Variants in ZFR2 observed in about 807,000 individuals in gnomAD.
ZFR2 encodes the protein zinc finger RNA-binding protein 2.
ZFR2 carries 104 observed loss-of-function variants against 105.7 expected under a neutral mutation model. The observed-to-expected ratio is 0.98, with a 90% CI of 0.84 to 1.16. The LOEUF is 1.16. Ranked by LOEUF, ZFR2 falls within the 50% of genes most tolerant of loss-of-function variation. The pLI, the probability that ZFR2 is intolerant of heterozygous loss-of-function variation, is 0.00. For missense variants in ZFR2, 1,425 were observed against 1,355.5 expected (o/e 1.05, Z -0.80); for synonymous variants, 634 against 597.7 (o/e 1.06, Z -0.89).
intron 16 of ZFR2, among the ~76,000 whole-genome samples, chr19:3,810,302 T>C (rs999279826): frequency 6.6e-6 from 1 of 152,188 alleles, no homozygotes; most frequent in African/African-American, 2.4e-5. Context: ...GAGGGGATTC[T>C]GTTTCTTCTC....
At position 3,834,869 on chromosome 19, in the gene ZFR2, C is replaced by G; in HGVS notation, c.168G>C (p.Gly56=). The G allele has an allele frequency of 6.2e-7, 1 of 1,611,752 alleles. No individual in the cohort carries two copies. The highest frequency in any genetic ancestry group is 8.5e-7 in the Non-Finnish European group (1 of 1,179,120). ...NPAFPPAAPA[G]YGGYQPHSGQ... ...CGGAGTGGGGCTGGTATCCACCGTA[C>G]CCTGCCGGGGCAGCTGGGGGAAAGG... The change falls in exon 2 of 19, where the codon GGG becomes GGC. Residue 56 remains glycine (G), a synonymous_variant. Coordinates refer to ENST00000262961, the MANE Select transcript of ZFR2 (RefSeq NM_015174.2). The surrounding 1 kb of genome is among the most constrained non-coding windows in gnomAD (Gnocchi z 5.3).
chr19:3,860,469 G>A lies in ZFR2; in HGVS notation c.53+8496C>T, dbSNP rs762812237. 2.0e-5 allele frequency among the ~76,000 whole-genome samples: 3 copies of A among 152,206 alleles called. No homozygotes were observed. In the East Asian group the frequency reaches 5.8e-4, roughly 29 times the overall value. ...CACCATAGGGCGGCAGGTTCTTGAG[G>A]TGGGAATTGGATTCCAGAGCCTGGG... On this transcript the variant is annotated intron_variant, in intron 1 of 18. Coordinates refer to ENST00000262961, the MANE Select transcript of ZFR2 (RefSeq NM_015174.2).
chr19:3,862,097 A>G (rs938385485), intron 1 of ZFR2, among the ~76,000 whole-genome samples: 1 of 152,180 alleles, frequency 6.6e-6, no homozygotes, highest in South Asian at 2.1e-4. Context: ...CCTCAGGTGA[A>G]AAGACTGTTT....
intron 16 of ZFR2, among the ~76,000 whole-genome samples, chr19:3,809,599 G>A (rs2037739646): frequency 6.6e-6 from 1 of 152,164 alleles, no homozygotes; most frequent in African/African-American, 2.4e-5. Context: ...ACCCAGCACG[G>A]AGGCTACTGT....
Position 3,805,630 on chromosome 19 carries a change from C to T in ZFR2, c.*319G>A, listed in dbSNP as rs930306708. On this transcript the variant is annotated 3_prime_UTR_variant, in exon 19 of 19. Transcript: ENST00000262961. ...CCTCTCAAAGTGCTGGGATTACAGGCGTGAATCACCGCGCCTGGCCACCAA... is the reference window on the plus strand; with the variant it reads ...CCTCTCAAAGTGCTGGGATTACAGGTGTGAATCACCGCGCCTGGCCACCAA... 1.6e-4 allele frequency: 41 copies of T among 263,604 alleles called. No individual in the cohort carries two copies. Among genetic ancestry groups the T allele is most frequent in the African/African-American group, 8.2e-4 (37 of 44,970 alleles). 16.3% of individuals were successfully genotyped at this position (263,604 alleles called of 1,614,324 possible).
chr19:3,810,639 T>C lies in ZFR2; in HGVS notation c.2433+111A>G, dbSNP rs1468921610. ...CACGGCCTCTCCTGAGTACTAGGTC[T>C]CCCGCCGGCTCCTTCGAGGGAAAAG... is the stretch of plus-strand genomic sequence containing the variant. On this transcript the variant is annotated intron_variant, in intron 16 of 18. Transcript: ENST00000262961. 2.8e-6 allele frequency: 3 copies of C among 1,055,948 alleles called. No individual in the cohort carries two copies. In the African/African-American group the frequency reaches 4.8e-5, roughly 17 times the overall value. 65.4% of individuals were successfully genotyped at this position (1,055,948 alleles called of 1,614,324 possible).
intron 16 of ZFR2, among the ~76,000 whole-genome samples, chr19:3,809,804 C>T (rs1452251370): frequency 2.6e-5 from 4 of 152,044 alleles, no homozygotes; most frequent in East Asian, 3.9e-4. Context: ...ATTAGCCAGG[C>T]GTGGTGGTGC....
Position 3,821,444 on chromosome 19 carries a change from C to A in ZFR2, c.1527G>T (p.Glu509Asp). 2 of 1,609,206 alleles carry A rather than the reference C, an allele frequency of 1.2e-6. No homozygotes were observed. The highest frequency in any genetic ancestry group is 1.7e-6 in the Non-Finnish European group (2 of 1,176,966). Residue 509 changes from glutamate to aspartate, a missense_variant, in exon 10 of 19, where the codon GAG (glutamate) becomes GAT (aspartate). Transcript: ENST00000262961. ...KVNPDLPIAT[E>D]PSSRARKVLE... is the part of the protein sequence containing the mutation. ...GGACCTTCCGAGCCCGGCTGCTGGG[C>A]TCCGTGGCAATGGGAAGGTCCGGGT...
At position 3,804,375 on chromosome 19, in the gene ZFR2, C is replaced by T. The variant is rs1215592053; in HGVS notation, c.*1574G>A. 1 of 152,112 alleles carries T rather than the reference C, an allele frequency of 6.6e-6. No homozygotes were observed. The highest frequency in any genetic ancestry group is 1.5e-5 in the Non-Finnish European group (1 of 68,076). 9.4% of individuals were successfully genotyped at this position (152,112 alleles called of 1,614,324 possible). On this transcript the variant is annotated 3_prime_UTR_variant, in exon 19 of 19. Transcript: ENST00000262961. ...CAGGCACGGGTCCCGGGCCCTGCTA[C>T]CACAAGGGGGGATTGGGGACCCCCT... is the stretch of plus-strand genomic sequence containing the variant.
intron 16 of ZFR2, among the ~76,000 whole-genome samples, chr19:3,809,965 A>T (rs2037743755): frequency 6.6e-6 from 1 of 152,148 alleles, no homozygotes; most frequent in East Asian, 1.9e-4. Flanking sequence ...TTTTAAAAAA[A>T]AGTAAAAAAG....
At chr19:3,833,257 A>G (rs1347327956) in intron 3 of ZFR2, among the ~76,000 whole-genome samples, 1 of 146,596 alleles carries the variant, frequency 6.8e-6, no homozygotes, top group South Asian at 2.1e-4. Flanking sequence ...TCAAAAAAAA[A>G]AAAAAAAAAG....
At chr19:3,836,117 A>G (rs1012760864) in intron 1 of ZFR2, among the ~76,000 whole-genome samples, 3 of 152,100 alleles carry the variant, frequency 2.0e-5, no homozygotes, top group African/African-American at 7.2e-5. Context: ...ACTGTAAATC[A>G]TCTCTGGATT....
Position 3,822,181 on chromosome 19 carries a change from C to A in ZFR2, c.1391G>T (p.Arg464Leu), listed in dbSNP as rs117045684. ...YVEEVFSDEG[R>L]VLRFHCKLCE... Reference sequence around the variant, plus strand: ...CAGCTTGCAGTGGAAGCGAAGCACTCGCCCTTCGTCGCTGAACACCTGAGA... The same window carrying A: ...CAGCTTGCAGTGGAAGCGAAGCACTAGCCCTTCGTCGCTGAACACCTGAGA... The change falls in exon 9 of 19, where the codon CGA (arginine) becomes CTA (leucine). Residue 464 changes from arginine to leucine, a missense_variant. Arg to Leu is a moderately radical substitution (Grantham distance 102, BLOSUM62 -2). Coordinates refer to ENST00000262961, the MANE Select transcript of ZFR2 (RefSeq NM_015174.2). 1,452 of 1,598,368 alleles carry A rather than the reference C, an allele frequency of 9.1e-4. 19 individuals are homozygous for A. In the East Asian group the frequency reaches 0.024, roughly 27 times the overall value.
Position 3,819,217 on chromosome 19 carries a change from A to C in ZFR2, c.1759T>G (p.Ser587Ala), listed in dbSNP as rs372752700. ...CACATGACGTGCCGGTCGTCGCTGGACGCCGGCCGCCGCCCGGGCTGTGGG... is the reference window on the plus strand; with the variant it reads ...CACATGACGTGCCGGTCGTCGCTGGCCGCCGGCCGCCGCCCGGGCTGTGGG... ...APLQPGRRPASSDDRHVMCKH... is the reference protein window; with the variant it reads ...APLQPGRRPAASDDRHVMCKH... The change falls in exon 12 of 19, where the codon TCC becomes GCC. Residue 587 changes from serine to alanine, a missense_variant. Ser to Ala is a moderately conservative substitution (Grantham distance 99). Coordinates refer to ENST00000262961, the MANE Select transcript of ZFR2 (RefSeq NM_015174.2). 435 of 1,552,364 alleles carry C rather than the reference A, an allele frequency of 2.8e-4. No individual in the cohort carries two copies. Among genetic ancestry groups the C allele is most frequent in the Non-Finnish European group, 3.3e-4 (383 of 1,157,184 alleles).
At chr19:3,820,319 G>A in intron 10 of ZFR2, 29 bp from the exon 11 acceptor site, 3 of 1,531,582 alleles carry the variant, frequency 2.0e-6, no homozygotes, top group Non-Finnish European at 2.6e-6. Context: ...ACAGAGCATG[G>A]TCAGGCCAGC....
intron 6 of ZFR2, among the ~76,000 whole-genome samples, chr19:3,826,283 C>T (rs1381830946): frequency 6.6e-6 from 1 of 152,090 alleles, no homozygotes; most frequent in Admixed American, 6.6e-5. Flanking sequence ...GATGAGCCTC[C>T]AGGCAGCTGG....
intron 11 of ZFR2, 26 bp downstream of exon 11, chr19:3,820,156 T>C: frequency 6.5e-7 from 1 of 1,549,708 alleles, no homozygotes; most frequent in Non-Finnish European, 8.7e-7. Context: ...TCGCCCGCGT[T>C]TGCACACAGA....
rs1024847225 is a variant in ZFR2 at position 3,838,895 on chromosome 19, C to T, written c.54-3912G>A. On this transcript the variant is annotated intron_variant, in intron 1 of 18. Transcript: ENST00000262961. This position sits in a 1 kb window ranked among gnomAD's most constrained non-coding sequence, Gnocchi z 4.9. ...GCTGCCCAGCTGTCTCCCGGGGCCG[C>T]GGCACGTGGCATGCAGCAGGGGCTC... Among the ~76,000 whole-genome samples, 14 of 152,260 alleles carry T rather than the reference C, an allele frequency of 9.2e-5. No homozygotes were observed. The highest frequency in any genetic ancestry group is 1.5e-4 in the Non-Finnish European group (10 of 68,038).
intron 17 of ZFR2, among the ~76,000 whole-genome samples, chr19:3,807,805 C>T (rs1336999402): frequency 4.8e-5 from 7 of 145,304 alleles, no homozygotes; most frequent in Non-Finnish European, 1.1e-4. Flanking sequence ...TGTGTGCAAG[C>T]ATGTCCACGT....
Sources: allele counts gnomAD v4.1 joint callset (sites outside exome capture counted in the v4.1 genomes callset), GRCh38; gene constraint gnomAD v4.1.1; non-coding constraint Gnocchi (gnomAD v3.1); transcripts MANE v1.5; gene names NCBI Gene and HGNC (gene_info 2026-07-23, HGNC 2026-07-21).